The following SLC38A12 variants were observed in gnomAD, a reference collection of about 807,000 sequenced individuals.
The protein encoded by SLC38A12 is putative sodium-coupled neutral amino acid transporter 12.
the SLC38A12 span, among the ~76,000 whole-genome samples, chr17:74,791,247 G>A: frequency 6.6e-6 from 1 of 152,168 alleles, no homozygotes; most frequent in African/African-American, 2.4e-5. Flanking sequence ...CAAAGAGGCC[G>A]CTTCTCTAGC....
At chr17:74,816,238 C>G in the SLC38A12 span, among the ~76,000 whole-genome samples, 1 of 152,214 alleles carries the variant, frequency 6.6e-6, no homozygotes, top group Non-Finnish European at 1.5e-5. Flanking sequence ...GAGGGCACTT[C>G]TGGCCTGGGA....
chr17:74,811,364 T>C, the SLC38A12 span, among the ~76,000 whole-genome samples: 11 of 151,252 alleles, frequency 7.3e-5, no homozygotes, highest in African/African-American at 2.7e-4. Flanking sequence ...AAAAATGCAT[T>C]TGGACCATAG....
the SLC38A12 span, among the ~76,000 whole-genome samples, chr17:74,792,605 G>A: frequency 4.1e-4 from 63 of 152,288 alleles, no homozygotes; most frequent in African/African-American, 1.4e-3. Flanking sequence ...CCCGTTTGTC[G>A]AGTGGGCTGC....
chr17:74,788,775 C>G, the SLC38A12 span: 1 of 1,611,710 alleles, frequency 6.2e-7, no homozygotes, highest in Non-Finnish European at 8.5e-7. Flanking sequence ...GCGCTGGGCA[C>G]TCGGCCCCCT....
the SLC38A12 span, among the ~76,000 whole-genome samples, chr17:74,789,895 CTT>C: frequency 0.037 from 5,289 of 143,422 alleles, 131 homozygotes; most frequent in Non-Finnish European, 0.065. Flanking sequence ...TGTCCTAGGG[CTT>C]TTCTGTAGAG....
At chr17:74,832,181 C>T in the SLC38A12 span, among the ~76,000 whole-genome samples, 1 of 152,102 alleles carries the variant, frequency 6.6e-6, no homozygotes, top group Non-Finnish European at 1.5e-5. Context: ...CCCTCTGTCC[C>T]TCCCTTCCTC....
the SLC38A12 span, chr17:74,836,532 C>T: frequency 3.7e-6 from 6 of 1,613,144 alleles, no homozygotes; most frequent in Non-Finnish European, 5.1e-6. This position sits in a 1 kb window ranked among gnomAD's most constrained non-coding sequence, Gnocchi z 4.2. Context: ...GTACCACTGC[C>T]GCAGGGACAC....
chr17:74,811,882 A>T, the SLC38A12 span, among the ~76,000 whole-genome samples: 1 of 151,962 alleles, frequency 6.6e-6, no homozygotes, highest in African/African-American at 2.4e-5. Context: ...AAAAAATAAT[A>T]ATAATAATAA....
chr17:74,789,454 G>A, the SLC38A12 span, among the ~76,000 whole-genome samples: 4 of 151,376 alleles, frequency 2.6e-5, no homozygotes, highest in African/African-American at 4.9e-5. Context: ...TGCGTGAATC[G>A]GGGAGGTGAA....
chr17:74,836,610 G>C, the SLC38A12 span: 2 of 1,613,232 alleles, frequency 1.2e-6, no homozygotes, highest in Non-Finnish European at 1.7e-6. The surrounding 1 kb of genome is among the most constrained non-coding windows in gnomAD (Gnocchi z 4.2). Flanking sequence ...CTTCTGGGTG[G>C]GCTTCGTGCT....
chr17:74,819,677 A>G, the SLC38A12 span: 1 of 1,456,966 alleles, frequency 6.9e-7, no homozygotes, highest in East Asian at 2.3e-5. Context: ...CCACGTGAGC[A>G]GCAGCGTCTT....
the SLC38A12 span, among the ~76,000 whole-genome samples, chr17:74,787,376 A>G: frequency 6.8e-6 from 1 of 146,834 alleles, no homozygotes; most frequent in Non-Finnish European, 1.5e-5. Flanking sequence ...TAATCCCAGC[A>G]CTTTGGGAGG....
At chr17:74,815,982 CG>C in the SLC38A12 span, among the ~76,000 whole-genome samples, 2 of 152,184 alleles carry the variant, frequency 1.3e-5, no homozygotes, top group Admixed American at 1.3e-4. Context: ...AACAGGCCCC[CG>C]TGAGGCTGCA....
the SLC38A12 span, among the ~76,000 whole-genome samples, chr17:74,822,984 C>T: frequency 3.3e-5 from 5 of 152,192 alleles, no homozygotes; most frequent in African/African-American, 1.2e-4. Context: ...GGCAGTTTTT[C>T]GAGAACCACC....
chr17:74,797,025 T>G, the SLC38A12 span, among the ~76,000 whole-genome samples: 1 of 152,180 alleles, frequency 6.6e-6, no homozygotes, highest in Non-Finnish European at 1.5e-5. Flanking sequence ...GGTGGCATGT[T>G]CAGGGCAGAG....
chr17:74,793,512 G>T, the SLC38A12 span, among the ~76,000 whole-genome samples: 6 of 152,206 alleles, frequency 3.9e-5, no homozygotes, highest in Non-Finnish European at 8.8e-5. Flanking sequence ...AGAAATGCGG[G>T]CCTAGCCATT....
At chr17:74,797,762 G>C in the SLC38A12 span, among the ~76,000 whole-genome samples, 3 of 152,250 alleles carry the variant, frequency 2.0e-5, no homozygotes, top group African/African-American at 7.2e-5. Context: ...GGAGGAAGGG[G>C]GGTTGGCAAA....
the SLC38A12 span, chr17:74,837,001 T>G: frequency 1.7e-6 from 2 of 1,145,956 alleles, no homozygotes; most frequent in Non-Finnish European, 1.1e-6. Context: ...CCCCCAACCC[T>G]ACTTCCAGGG....
the SLC38A12 span, chr17:74,836,901 G>C: frequency 7.3e-7 from 1 of 1,367,168 alleles, no homozygotes. This position sits in a 1 kb window ranked among gnomAD's most constrained non-coding sequence, Gnocchi z 4.2. Context: ...CTCCCACCAG[G>C]TCCTTCTGCC....
Sources: gnomAD v4.1 joint callset for allele counts (sites outside exome capture counted in the v4.1 genomes callset) on GRCh38, gnomAD v4.1.1 for gene constraint, Gnocchi (gnomAD v3.1) non-coding constraint, MANE v1.5 for transcripts, NCBI Gene and HGNC (gene_info 2026-07-23, HGNC 2026-07-21) for gene names.